The following JPH1 variants were observed in gnomAD, a reference collection of about 807,000 sequenced individuals.
The protein encoded by JPH1 is junctophilin 1, also known as junctophilin-1.
JPH1 carries 12 observed loss-of-function variants against 53.6 expected under a neutral mutation model. The observed-to-expected ratio is 0.22, with a 90% CI of 0.14 to 0.36. The LOEUF (loss-of-function observed/expected upper bound fraction) is 0.36, where lower values mean the gene tolerates loss of function less well. Among genes scored for constraint, JPH1 ranks in the 10% least tolerant of loss-of-function variants. The pLI, the probability that JPH1 is intolerant of heterozygous loss-of-function variation, is 1.00. For missense variants in JPH1, 808 were observed against 905.5 expected (o/e 0.89, Z 1.38); for synonymous variants, 375 against 363.8 (o/e 1.03, Z -0.35).
At chr8:74,247,718 C>A (rs754046445) in intron 3 of JPH1, among the ~76,000 whole-genome samples, 1 of 152,042 alleles carries the variant, frequency 6.6e-6, no homozygotes, top group Non-Finnish European at 1.5e-5. Context: ...TTGTAGCTTA[C>A]AAATTTAGGA....
intron 2 of JPH1, among the ~76,000 whole-genome samples, chr8:74,277,335 C>T (rs1026834265): frequency 6.6e-6 from 1 of 152,172 alleles, no homozygotes; most frequent in Non-Finnish European, 1.5e-5. Context: ...ATTGAAAAGC[C>T]GGCTACCTCA....
chr8:74,260,712 C>T (rs567537701), intron 2 of JPH1, among the ~76,000 whole-genome samples: 10 of 152,232 alleles, frequency 6.6e-5, no homozygotes, highest in African/African-American at 9.6e-5. Context: ...GACCAAAACA[C>T]GGAGGCACCG....
intron 4 of JPH1, among the ~76,000 whole-genome samples, chr8:74,240,742 CAT>C (rs1236726533): frequency 6.6e-6 from 1 of 152,198 alleles, no homozygotes; most frequent in African/African-American, 2.4e-5. Context: ...AACAATACAA[CAT>C]AGACTTTGGT....
intron 2 of JPH1, among the ~76,000 whole-genome samples, chr8:74,272,866 A>G (rs1428332117): frequency 1.8e-4 from 28 of 151,980 alleles, no homozygotes; most frequent in Admixed American, 1.8e-3. Context: ...GGCCTCCCAA[A>G]GTGCTGGGAT....
intron 3 of JPH1, among the ~76,000 whole-genome samples, chr8:74,257,206 G>A (rs900075236): frequency 2.6e-5 from 4 of 152,178 alleles, no homozygotes; most frequent in African/African-American, 9.7e-5. Context: ...ACCCGCTGTC[G>A]TCCATGCTAC....
At chr8:74,260,609 G>C (rs1273599501) in intron 2 of JPH1, among the ~76,000 whole-genome samples, 1 of 125,094 alleles carries the variant, frequency 8.0e-6, no homozygotes, top group Non-Finnish European at 1.5e-5. Flanking sequence ...CAGCAGGAGA[G>C]AGGAGGAGTT....
rs192912201 is a variant in JPH1 at position 74,300,557 on chromosome 8, T to A, written c.1139+14304A>T. Among the ~76,000 whole-genome samples, 169 of 152,320 alleles carry A rather than the reference T, an allele frequency of 1.1e-3. 1 individual carries two copies. The highest frequency in any genetic ancestry group is 3.4e-3 in the Middle Eastern group (1 of 294). On this transcript the variant is annotated intron_variant, in intron 2 of 5. Transcript: ENST00000342232. ...TGGAATGTTTACTGCTACTTCAAAATGGTTTTAATTTTGGTTAGAGGGTCC... is the reference window on the plus strand; with the variant it reads ...TGGAATGTTTACTGCTACTTCAAAAAGGTTTTAATTTTGGTTAGAGGGTCC...
rs1209761623 is a variant in JPH1 at position 74,251,597 on chromosome 8, T to C, written c.1259-6422A>G. Among the ~76,000 whole-genome samples, 3 of 152,328 alleles carry C rather than the reference T, an allele frequency of 2.0e-5. No individual in the cohort carries two copies. The East Asian group carries it at 5.8e-4, about 29-fold the overall frequency. ...AAGCCATCCCACATGGCTTTGTTTT[T>C]TTCTTTAATGACAAAAGTTATTATT... is the stretch of plus-strand genomic sequence containing the variant. On this transcript the variant is annotated intron_variant, in intron 3 of 5. Transcript: ENST00000342232.
At position 74,276,853 on chromosome 8, in the gene JPH1, T is replaced by A. The variant is rs562740352; in HGVS notation, c.1140-17350A>T. Reference sequence around the variant, plus strand: ...TTTCTTCCAAATGACTTTTTAAAATTTTTCTCAAATCAATATATACAGTTC... The same window carrying A: ...TTTCTTCCAAATGACTTTTTAAAATATTTCTCAAATCAATATATACAGTTC... On this transcript the variant is annotated intron_variant, in intron 2 of 5. Transcript: ENST00000342232. Among the ~76,000 whole-genome samples the A allele has an allele frequency of 3.9e-5, 6 of 152,360 alleles. No homozygotes were observed. In the South Asian group the frequency reaches 1.2e-3, roughly 32 times the overall value.
chr8:74,263,018 G>A (rs766852571), intron 2 of JPH1, among the ~76,000 whole-genome samples: 2 of 152,154 alleles, frequency 1.3e-5, no homozygotes, highest in African/African-American at 2.4e-5. Flanking sequence ...GTTGGCTTAG[G>A]AGAAAATAAT....
chr8:74,255,476 T>G (rs1212048207), intron 3 of JPH1, among the ~76,000 whole-genome samples: 1 of 152,094 alleles, frequency 6.6e-6, no homozygotes, highest in Non-Finnish European at 1.5e-5. Context: ...ATTCAGGACA[T>G]AGGCATAGGC....
At chr8:74,290,658 A>T (rs914260986) in intron 2 of JPH1, among the ~76,000 whole-genome samples, 1 of 152,190 alleles carries the variant, frequency 6.6e-6, no homozygotes, top group Non-Finnish European at 1.5e-5. Context: ...ACCAAAAAAG[A>T]CCCCACATTG....
At position 74,321,065 on chromosome 8, in the gene JPH1, C is replaced by T; in HGVS notation, c.223G>A (p.Glu75Lys). Residue 75 changes from glutamate to lysine, a missense_variant, in exon 1 of 6, where the codon GAG becomes AAG. Transcript: ENST00000342232. This position sits in a 1 kb window ranked among gnomAD's most constrained non-coding sequence, Gnocchi z 4.3. ...AQGKRHGLGV[E>K]TKGKWMYRGE... ...CGGTACATCCACTTGCCCTTCGTCTCCACCCCCAGCCCGTGCCGCTTGCCC... is the reference window on the plus strand; with the variant it reads ...CGGTACATCCACTTGCCCTTCGTCTTCACCCCCAGCCCGTGCCGCTTGCCC... 1 of 1,613,536 alleles carries T rather than the reference C, an allele frequency of 6.2e-7. No homozygotes were observed. The highest frequency in any genetic ancestry group is 8.5e-7 in the Non-Finnish European group (1 of 1,179,702).
At chr8:74,276,308 A>G (rs1806847075) in intron 2 of JPH1, among the ~76,000 whole-genome samples, 1 of 152,168 alleles carries the variant, frequency 6.6e-6, no homozygotes, top group Non-Finnish European at 1.5e-5. Context: ...ATCCTGAACA[A>G]CAGGTTGATC....
rs771898899 is a variant in JPH1 at position 74,320,961 on chromosome 8, G to T, written c.327C>A (p.Thr109=). Residue 109 remains threonine (T), a synonymous_variant, in exon 1 of 6, where the codon ACC becomes ACA. Transcript: ENST00000342232. The surrounding 1 kb of genome is among the most constrained non-coding windows in gnomAD (Gnocchi z 4.4). ...SLCTPARYEG[T]WSNGLQDGYG... is the part of the protein sequence containing the mutation. Reference sequence around the variant, plus strand: ...ACCCGTCTTGCAGCCCGTTACTCCAGGTACCCTCGTAGCGAGCGGGGGTGC... The same window carrying T: ...ACCCGTCTTGCAGCCCGTTACTCCATGTACCCTCGTAGCGAGCGGGGGTGC... 4.4e-6 allele frequency: 7 copies of T among 1,608,056 alleles called. No homozygotes were observed. The African/African-American group carries it at 9.4e-5, about 22-fold the overall frequency.
chr8:74,248,101 C>T (rs181744101), intron 3 of JPH1, among the ~76,000 whole-genome samples: 2 of 152,262 alleles, frequency 1.3e-5, no homozygotes, highest in African/African-American at 2.4e-5. Context: ...TGATGTGTCA[C>T]CTCTTTGGAC....
At chr8:74,269,767 A>T (rs1045587387) in intron 2 of JPH1, among the ~76,000 whole-genome samples, 2 of 152,252 alleles carry the variant, frequency 1.3e-5, no homozygotes, top group Admixed American at 6.5e-5. Context: ...GTCACACAGC[A>T]AAGTCATATG....
chr8:74,305,557 T>C (rs1378388300), intron 2 of JPH1, among the ~76,000 whole-genome samples: 1 of 152,228 alleles, frequency 6.6e-6, no homozygotes, highest in Non-Finnish European at 1.5e-5. Context: ...CTGGAATCTG[T>C]TGAAGTTTGT....
chr8:74,284,435 T>G (rs1277687767), intron 2 of JPH1, among the ~76,000 whole-genome samples: 11 of 152,098 alleles, frequency 7.2e-5, no homozygotes, highest in Non-Finnish European at 1.6e-4. Context: ...AAGGCTCACT[T>G]GGGCATTGCC....
Sources: gnomAD v4.1 joint callset for allele counts (sites outside exome capture counted in the v4.1 genomes callset) on GRCh38, gnomAD v4.1.1 for gene constraint, Gnocchi (gnomAD v3.1) non-coding constraint, MANE v1.5 for transcripts, NCBI Gene and HGNC (gene_info 2026-07-23, HGNC 2026-07-21) for gene names.